The following SGCZ variants were observed in gnomAD, a reference collection of about 807,000 sequenced individuals.
SGCZ encodes the protein zeta-sarcoglycan.
SGCZ carries 40 observed loss-of-function variants against 41.3 expected under a neutral mutation model. The ratio of observed to expected loss-of-function variants is 0.97; its 90% confidence interval spans 0.75 to 1.26. The LOEUF (loss-of-function observed/expected upper bound fraction) is 1.26, where lower values mean the gene tolerates loss of function less well. Ranked by LOEUF, SGCZ falls within the 50% of genes most tolerant of loss-of-function variation. The probability of loss-of-function intolerance (pLI) is 0.00; values close to 1 mark genes in which losing one functional copy is unlikely to be tolerated. For synonymous variants in SGCZ, 206 were observed against 137.5 expected, an observed-to-expected ratio of 1.50 and a Z score of -3.49; for missense variants, 552 against 369.8, an observed-to-expected ratio of 1.49 and a Z score of -4.04.
intron 1 of SGCZ, among the ~76,000 whole-genome samples, chr8:14,997,832 C>T (rs781101071): frequency 1.1e-4 from 17 of 152,218 alleles, no homozygotes; most frequent in South Asian, 1.0e-3. Flanking sequence ...TGATGGCACA[C>T]GCCTGTAATC....
In SGCZ at chr8:14,139,016, T is replaced by C. The variant is rs143113130; in HGVS notation, c.547+25564A>G. 5.8e-3 allele frequency among the ~76,000 whole-genome samples: 882 copies of C among 152,198 alleles called. 6 individuals are homozygous for C. The highest frequency in any genetic ancestry group is 0.02 in the African/African-American group (839 of 41,524). On this transcript the variant is annotated intron_variant, in intron 5 of 7. Transcript: ENST00000382080. Reference sequence around the variant, plus strand: ...CTCTCAGACCACAGTGCAATCAAATTAGAACTCAGGATTAAGAAACTCATT... The same window carrying C: ...CTCTCAGACCACAGTGCAATCAAATCAGAACTCAGGATTAAGAAACTCATT...
chr8:14,404,375 T>C (rs1799155945), intron 2 of SGCZ, among the ~76,000 whole-genome samples: 1 of 151,848 alleles, frequency 6.6e-6, no homozygotes, highest in Non-Finnish European at 1.5e-5. Context: ...CAACATGTCC[T>C]CTTTAAAGGA....
intron 4 of SGCZ, among the ~76,000 whole-genome samples, chr8:14,220,155 A>G (rs1376961741): frequency 6.6e-6 from 1 of 152,136 alleles, no homozygotes; most frequent in Non-Finnish European, 1.5e-5. Flanking sequence ...ACCAAAAGGG[A>G]GGCAGAAGAA....
intron 1 of SGCZ, among the ~76,000 whole-genome samples, chr8:15,038,035 G>A (rs991703554): frequency 1.3e-5 from 2 of 151,986 alleles, no homozygotes. Flanking sequence ...ACTAACGGAA[G>A]CAATGAACAG....
intron 4 of SGCZ, among the ~76,000 whole-genome samples, chr8:14,169,499 G>C (rs1435779085): frequency 3.3e-5 from 5 of 152,074 alleles, no homozygotes; most frequent in African/African-American, 1.2e-4. Context: ...AGGAGAATCT[G>C]ACACACTTTC....
chr8:15,015,749 G>GTC (rs1156710161), intron 1 of SGCZ, among the ~76,000 whole-genome samples: 3 of 150,360 alleles, frequency 2.0e-5, no homozygotes, highest in Non-Finnish European at 4.4e-5. Context: ...GTGTGTGTGT[G>GTC]TGTGTGTGTG....
intron 1 of SGCZ, among the ~76,000 whole-genome samples, chr8:14,855,481 C>G (rs946399712): frequency 6.6e-6 from 1 of 152,144 alleles, no homozygotes; most frequent in Non-Finnish European, 1.5e-5. Flanking sequence ...AGTGTCCATA[C>G]TTGCAGGATA....
At chr8:15,136,904 T>C (rs1585601429) in intron 1 of SGCZ, among the ~76,000 whole-genome samples, 1 of 152,262 alleles carries the variant, frequency 6.6e-6, no homozygotes, top group Non-Finnish European at 1.5e-5. Flanking sequence ...CAAGCAGCTT[T>C]GGAACTGGGT....
chr8:14,172,756 C>A (rs911816953), intron 4 of SGCZ, among the ~76,000 whole-genome samples: 1 of 151,980 alleles, frequency 6.6e-6, no homozygotes, highest in African/African-American at 2.4e-5. Context: ...GATGAGATTT[C>A]AGGAAATTGA....
At chr8:15,173,127 G>A (rs761552480) in intron 1 of SGCZ, among the ~76,000 whole-genome samples, 2 of 152,160 alleles carry the variant, frequency 1.3e-5, no homozygotes, top group African/African-American at 4.8e-5. Flanking sequence ...GTATTGAAAA[G>A]CCCAGGCTTG....
chr8:14,151,958 A>C (rs1312527955), intron 5 of SGCZ, among the ~76,000 whole-genome samples: 1 of 152,132 alleles, frequency 6.6e-6, no homozygotes. Context: ...CATAGACTTT[A>C]ATGTAAAATA....
At chr8:14,680,408 G>C (rs1808404305) in intron 1 of SGCZ, among the ~76,000 whole-genome samples, 1 of 152,020 alleles carries the variant, frequency 6.6e-6, no homozygotes, top group East Asian at 1.9e-4. Context: ...GTGGCACTTT[G>C]GGAGATGTTT....
chr8:14,462,338 C>T (rs1160830980), intron 2 of SGCZ, among the ~76,000 whole-genome samples: 1 of 151,694 alleles, frequency 6.6e-6, no homozygotes, highest in African/African-American at 2.4e-5. Context: ...AATTTGTGTT[C>T]CTTTTTATTA....
intron 1 of SGCZ, among the ~76,000 whole-genome samples, chr8:15,066,664 T>A (rs1246604920): frequency 6.6e-6 from 1 of 152,192 alleles, no homozygotes; most frequent in Non-Finnish European, 1.5e-5. Context: ...TTTTAAAATA[T>A]TCTTTTTACA....
At position 14,174,829 on chromosome 8, in the gene SGCZ, A is replaced by C. The variant is rs531506166; in HGVS notation, c.425-10127T>G. Among the ~76,000 whole-genome samples the C allele has an allele frequency of 2.6e-5, 4 of 152,272 alleles. No homozygotes were observed. The South Asian group carries it at 8.3e-4, about 32-fold the overall frequency. On this transcript the variant is annotated intron_variant, in intron 4 of 7. Coordinates refer to ENST00000382080, the MANE Select transcript of SGCZ (RefSeq NM_139167.4). ...AGAAGTCTAAAACAAAGGTGTCAGC[A>C]TAAATGCTTCCATCTTAAAGGCTCT...
At chr8:15,037,351 T>A (rs1803910396) in intron 1 of SGCZ, among the ~76,000 whole-genome samples, 1 of 152,174 alleles carries the variant, frequency 6.6e-6, no homozygotes, top group South Asian at 2.1e-4. Context: ...GAAGGATACA[T>A]TTGCTTCCCC....
chr8:14,914,114 C>A (rs1303019041), intron 1 of SGCZ, among the ~76,000 whole-genome samples: 5 of 151,746 alleles, frequency 3.3e-5, no homozygotes, highest in Non-Finnish European at 1.5e-5. Context: ...CAGAAATAAA[C>A]ACTTCTAAAG....
At chr8:14,907,529 G>A (rs1476464142) in intron 1 of SGCZ, among the ~76,000 whole-genome samples, 1 of 152,036 alleles carries the variant, frequency 6.6e-6, no homozygotes, top group East Asian at 1.9e-4. Flanking sequence ...TATTGGAGGA[G>A]CTAAATGCCT....
chr8:14,305,681 G>T (rs1390615653), intron 3 of SGCZ, among the ~76,000 whole-genome samples: 1 of 152,158 alleles, frequency 6.6e-6, no homozygotes, highest in East Asian at 1.9e-4. Flanking sequence ...AGTCTTTGTG[G>T]TAGCTTGCAA....
Sources: allele counts gnomAD v4.1 joint callset (sites outside exome capture counted in the v4.1 genomes callset), GRCh38; gene constraint gnomAD v4.1.1; transcripts MANE v1.5; gene names NCBI Gene and HGNC (gene_info 2026-07-23, HGNC 2026-07-21).